ARHGAP21: variants seen among roughly 807,000 people sequenced by gnomAD.
ARHGAP21 encodes Rho GTPase activating protein 21.
Under a neutral mutation model 164.6 loss-of-function variants are expected in ARHGAP21, and 38 were observed. The observed-to-expected ratio is 0.23, with a 90% confidence interval of 0.18 to 0.30. The LOEUF (loss-of-function observed/expected upper bound fraction) is 0.30. Among genes scored for constraint, ARHGAP21 ranks in the 10% least tolerant of loss-of-function variants. The probability of loss-of-function intolerance (pLI) is 1.00; values close to 1 mark genes in which losing one functional copy is unlikely to be tolerated. For missense variants in ARHGAP21, 1,822 were observed against 2,370.7 expected (o/e 0.77, Z 4.81); for synonymous variants, 766 against 857.9 (o/e 0.89, Z 1.87).
chr10:24,676,632 G>A (rs982761870), intron 2 of ARHGAP21, among the ~76,000 whole-genome samples: 2 of 152,010 alleles, frequency 1.3e-5, no homozygotes, highest in African/African-American at 4.8e-5. Flanking sequence ...TCACCCCTAC[G>A]CAATATACCC....
intron 9 of ARHGAP21, among the ~76,000 whole-genome samples, chr10:24,612,909 T>A (rs1306897155): frequency 6.6e-6 from 1 of 152,136 alleles, no homozygotes; most frequent in African/African-American, 2.4e-5. Context: ...TATCCTTTCT[T>A]TTTATTTGCC....
Position 24,621,336 on chromosome 10 carries a change from C to T in ARHGAP21, c.559G>A (p.Glu187Lys), listed in dbSNP as rs370679983. 2.7e-5 allele frequency: 44 copies of T among 1,607,008 alleles called. No individual in the cohort carries two copies. The Admixed American group carries it at 3.4e-4, about 12-fold the overall frequency. Residue 187 changes from glutamate to lysine, a missense_variant, in exon 9 of 26, where the codon GAA becomes AAA. Around this residue, in one of 5 missense-constraint regions of ARHGAP21, gnomAD observed 1,090 missense variants for 1,378.9 expected, o/e 0.79. Transcript: ENST00000396432. The stretch of plus-strand genomic sequence containing the variant: ...TTGCGGGCATTGCCGCTATAAGCTT[C>T]GTTGCCTTTCAGGTAGGCATCTTGA... ...YSQDAYLKGN[E>K]AYSGNARNIP... is the part of the protein sequence containing the mutation.
chr10:24,669,790 A>C (rs1385163275), intron 3 of ARHGAP21, among the ~76,000 whole-genome samples: 1 of 152,212 alleles, frequency 6.6e-6, no homozygotes, highest in African/African-American at 2.4e-5. Flanking sequence ...CAATTCTAAC[A>C]TGCCATCATA....
intron 24 of ARHGAP21, chr10:24,590,078 C>A: frequency 1.2e-6 from 1 of 811,994 alleles, no homozygotes; most frequent in Non-Finnish European, 1.6e-6. Context: ...AGGATAATAC[C>A]AATTTTGAAG....
chr10:24,590,150 G>GC, intron 24 of ARHGAP21: 2 of 1,348,642 alleles, frequency 1.5e-6, no homozygotes, highest in Non-Finnish European at 1.9e-6. Flanking sequence ...CCCATGCCAC[G>GC]CCCCTTTTAA....
intron 4 of ARHGAP21, among the ~76,000 whole-genome samples, chr10:24,652,290 T>C (rs1164944172): frequency 6.6e-6 from 1 of 152,156 alleles, no homozygotes; most frequent in East Asian, 1.9e-4. Context: ...AATAAATATC[T>C]ACATAGGAAA....
At chr10:24,596,138 CAT>C (rs2076569231) in intron 17 of ARHGAP21, 95 bp from the exon 18 acceptor site, 4 of 1,074,568 alleles carry the variant, frequency 3.7e-6, no homozygotes, top group Non-Finnish European at 5.2e-6. Context: ...CAAAAGGAAA[CAT>C]AAATTGCTGT....
At chr10:24,590,926 T>C in intron 24 of ARHGAP21, 2 of 943,902 alleles carry the variant, frequency 2.1e-6, no homozygotes, top group Non-Finnish European at 2.5e-6. Flanking sequence ...GACTATTACA[T>C]GGAAACTGTG....
chr10:24,652,523 C>G (rs1048030874), intron 4 of ARHGAP21, among the ~76,000 whole-genome samples: 15 of 152,076 alleles, frequency 9.9e-5, no homozygotes, highest in Non-Finnish European at 1.3e-4. Context: ...ATAGAAATTA[C>G]TAATACGAAA....
At chr10:24,699,982 T>G (rs1315793987) in intron 2 of ARHGAP21, among the ~76,000 whole-genome samples, 1 of 151,976 alleles carries the variant, frequency 6.6e-6, no homozygotes, top group Non-Finnish European at 1.5e-5. Flanking sequence ...GAGAGAGGTG[T>G]TTTTTTTCCT....
chr10:24,685,070 G>C (rs1409284053), intron 2 of ARHGAP21, among the ~76,000 whole-genome samples: 1 of 152,106 alleles, frequency 6.6e-6, no homozygotes. Context: ...TAAAATTGGG[G>C]GGAGGAGGGG....
At chr10:24,680,427 T>G (rs546446142) in intron 2 of ARHGAP21, among the ~76,000 whole-genome samples, 1 of 152,314 alleles carries the variant, frequency 6.6e-6, no homozygotes, top group East Asian at 1.9e-4. Flanking sequence ...ATCATATAGG[T>G]AACTCTTGGA....
chr10:24,663,258 C>G (rs1168334113), intron 4 of ARHGAP21, among the ~76,000 whole-genome samples: 2 of 152,166 alleles, frequency 1.3e-5, no homozygotes, highest in African/African-American at 4.8e-5. Context: ...CAACAACGCA[C>G]AATGCCAGTA....
chr10:24,601,077 G>C, intron 13 of ARHGAP21, 147 bp from the exon 14 acceptor site: 2 of 913,650 alleles, frequency 2.2e-6, no homozygotes, highest in South Asian at 1.8e-5. Flanking sequence ...TATTTGTGAG[G>C]AGAGGAAGGA....
At chr10:24,684,385 C>A (rs1842035536) in intron 2 of ARHGAP21, among the ~76,000 whole-genome samples, 1 of 152,072 alleles carries the variant, frequency 6.6e-6, no homozygotes, top group Admixed American at 6.6e-5. Context: ...TACAAGATCC[C>A]CAAAATTTAA....
chr10:24,589,259 G>A lies in ARHGAP21; in HGVS notation c.4182+12C>T, dbSNP rs2076235202. On this transcript the variant is annotated intron_variant, in intron 25 of 25. Transcript: ENST00000396432. ...CCCCCTAAAATATTTCAAATTGTAT[G>A]AAACAATTTACCTTAGATTTTGTTG... 1.3e-6 allele frequency: 2 copies of A among 1,598,386 alleles called. No individual in the cohort carries two copies. The highest frequency in any genetic ancestry group is 3.4e-5 in the Admixed American group (2 of 59,154).
chr10:24,674,833 G>A (rs1200079153), intron 2 of ARHGAP21, among the ~76,000 whole-genome samples: 1 of 152,004 alleles, frequency 6.6e-6, no homozygotes, highest in Non-Finnish European at 1.5e-5. Flanking sequence ...CTTGTATCTA[G>A]AATATATAAA....
intron 17 of ARHGAP21, 135 bp from the exon 18 acceptor site, chr10:24,596,178 T>C (rs1323756069): frequency 2.8e-6 from 2 of 721,340 alleles, no homozygotes; most frequent in South Asian, 2.4e-5. Context: ...ACAGACATTA[T>C]AGATCTGGGA....
chr10:24,652,360 CTTAA>C (rs2131560507), intron 4 of ARHGAP21, among the ~76,000 whole-genome samples: 2 of 152,202 alleles, frequency 1.3e-5, no homozygotes, highest in East Asian at 3.9e-4. Context: ...GGACTTTAGG[CTTAA>C]TTGTGAATAA....
Sources: gnomAD v4.1 joint callset for allele counts (sites outside exome capture counted in the v4.1 genomes callset) on GRCh38, gnomAD v4.1.1 for gene constraint, gnomAD v4.1.1 regional missense constraint, MANE v1.5 for transcripts, NCBI Gene and HGNC (gene_info 2026-07-23, HGNC 2026-07-21) for gene names.